The following ARNT2 variants were observed in gnomAD, a reference collection of about 807,000 sequenced individuals.
ARNT2 encodes the protein ARNT protein 2.
ARNT2 carries 36 observed loss-of-function variants against 91.7 expected under a neutral mutation model. The observed-to-expected ratio is 0.39, with a 90% CI of 0.30 to 0.52. ARNT2 has a LOEUF of 0.52. Ranked by LOEUF, ARNT2 falls within the 20% of genes least tolerant of loss-of-function variation. The pLI is 0.72. For missense variants in ARNT2, 775 were observed against 939.3 expected, an observed-to-expected ratio of 0.83 and a Z score of 2.29; for synonymous variants, 365 against 347.1, an observed-to-expected ratio of 1.05 and a Z score of -0.57.
At chr15:80,504,511 G>C (rs72747556) in intron 5 of ARNT2, among the ~76,000 whole-genome samples, 54,652 of 114,126 alleles carry the variant, frequency 0.48, 10,390 homozygotes, top group African/African-American at 0.51. Context: ...GCTCACGCCT[G>C]TAGTCCCAGC....
chr15:80,506,426 A>G (rs1391006850), intron 5 of ARNT2, among the ~76,000 whole-genome samples: 2 of 152,242 alleles, frequency 1.3e-5, no homozygotes, highest in Admixed American at 6.5e-5. Flanking sequence ...GAGAATGACT[A>G]AAAGGAAACA....
intron 1 of ARNT2, among the ~76,000 whole-genome samples, chr15:80,443,959 C>T (rs552522848): frequency 6.6e-6 from 1 of 152,300 alleles, no homozygotes; most frequent in Non-Finnish European, 1.5e-5. Flanking sequence ...ATGGAAAATT[C>T]GGCCTTGGCT....
chr15:80,482,868 A>G (rs1442136582), intron 5 of ARNT2, among the ~76,000 whole-genome samples: 1 of 152,188 alleles, frequency 6.6e-6, no homozygotes, highest in Non-Finnish European at 1.5e-5. Context: ...CTTTCAAGTC[A>G]TCGTGATGCA....
Position 80,441,416 on chromosome 15 carries a change from A to T in ARNT2, c.32-9464A>T, listed in dbSNP as rs577853212. On this transcript the variant is annotated intron_variant, in intron 1 of 18. Coordinates refer to ENST00000303329, the MANE Select transcript of ARNT2 (RefSeq NM_014862.4). Reference sequence around the variant, plus strand: ...TATTTGATGTGCTTTCTGTGAAGAGAATTGTTCTAAGAGAGATGAATATTG... The same window carrying T: ...TATTTGATGTGCTTTCTGTGAAGAGTATTGTTCTAAGAGAGATGAATATTG... 15 of 981,488 alleles carry T rather than the reference A, an allele frequency of 1.5e-5. No individual in the cohort carries two copies. The South Asian group carries it at 3.8e-4, about 25-fold the overall frequency. The allele number at this position is 981,488 out of a possible 1,614,324, so 60.8% of individuals were successfully genotyped here.
At chr15:80,468,296 C>A (rs1896686099) in intron 3 of ARNT2, among the ~76,000 whole-genome samples, 1 of 152,078 alleles carries the variant, frequency 6.6e-6, no homozygotes, top group African/African-American at 2.4e-5. Flanking sequence ...TGAACCTCTC[C>A]CGCAACCTGC....
chr15:80,562,097 C>G (rs1349562689), intron 11 of ARNT2, among the ~76,000 whole-genome samples: 1 of 146,186 alleles, frequency 6.8e-6, no homozygotes, highest in Non-Finnish European at 1.5e-5. Flanking sequence ...TTTTTTGAGA[C>G]TGAGTCTCAC....
chr15:80,510,442 T>A (rs60821634), intron 6 of ARNT2, among the ~76,000 whole-genome samples: 2,653 of 150,632 alleles, frequency 0.018, 80 homozygotes, highest in African/African-American at 0.061. Flanking sequence ...CAATCATATA[T>A]AAAAAAAAAG....
At chr15:80,446,473 T>C (rs1483513866) in intron 1 of ARNT2, among the ~76,000 whole-genome samples, 1 of 152,270 alleles carries the variant, frequency 6.6e-6, no homozygotes, top group African/African-American at 2.4e-5. Flanking sequence ...GGGCCTGTGA[T>C]TGAGAATCGT....
rs942272346 is a variant in ARNT2, at chr15:80,564,931, T to C, written c.1316+1692T>C. Reference sequence around the variant, plus strand: ...CATTTTCTTCTTCTTCTCCTTTTTTTTTTTTTAAATTGAGACAGAATCTCA... The same window carrying C: ...CATTTTCTTCTTCTTCTCCTTTTTTCTTTTTTAAATTGAGACAGAATCTCA... On this transcript the variant is annotated intron_variant, in intron 12 of 18. Coordinates refer to ENST00000303329, the MANE Select transcript of ARNT2 (RefSeq NM_014862.4). Among the ~76,000 whole-genome samples, 72 of 152,124 alleles carry C rather than the reference T, an allele frequency of 4.7e-4. No homozygotes were observed. The East Asian group carries it at 0.014, about 29-fold the overall frequency.
intron 1 of ARNT2, among the ~76,000 whole-genome samples, chr15:80,419,354 G>A (rs937819853): frequency 2.0e-5 from 3 of 152,228 alleles, no homozygotes; most frequent in Admixed American, 1.3e-4. Context: ...TAACTCACCT[G>A]GTTCAGGATG....
chr15:80,451,054 C>A, intron 2 of ARNT2, 60 bp downstream of exon 2: 1 of 1,469,788 alleles, frequency 6.8e-7, no homozygotes, highest in Non-Finnish European at 9.4e-7. Context: ...TGCTCTTGAC[C>A]TGTTAGGAAA....
chr15:80,427,746 G>A (rs896664899), intron 1 of ARNT2, among the ~76,000 whole-genome samples: 1 of 152,116 alleles, frequency 6.6e-6, no homozygotes, highest in Non-Finnish European at 1.5e-5. Flanking sequence ...GCCTTGCTTG[G>A]TATATTTCTA....
At chr15:80,575,818 A>G (rs940636615) in intron 14 of ARNT2, among the ~76,000 whole-genome samples, 2 of 152,164 alleles carry the variant, frequency 1.3e-5, no homozygotes, top group Non-Finnish European at 2.9e-5. Flanking sequence ...CTGCTGGGTG[A>G]GGGTGGCCAG....
chr15:80,416,754 G>A (rs1273164626), intron 1 of ARNT2, among the ~76,000 whole-genome samples: 1 of 151,998 alleles, frequency 6.6e-6, no homozygotes, highest in Non-Finnish European at 1.5e-5. Context: ...TTGGAGTTGC[G>A]CTTTTCTAAA....
chr15:80,504,290 A>T (rs951556209), intron 5 of ARNT2, among the ~76,000 whole-genome samples: 5 of 152,150 alleles, frequency 3.3e-5, no homozygotes, highest in Non-Finnish European at 7.3e-5. Context: ...GTTTGAGTCT[A>T]TTCTCATCGA....
chr15:80,496,692 A>T (rs1022963583), intron 5 of ARNT2, among the ~76,000 whole-genome samples: 3 of 152,192 alleles, frequency 2.0e-5, no homozygotes, highest in Non-Finnish European at 4.4e-5. Flanking sequence ...TGTTGAGAAT[A>T]TGTCAGGAGC....
chr15:80,583,308 C>T (rs1039154148), intron 17 of ARNT2, among the ~76,000 whole-genome samples: 18 of 152,304 alleles, frequency 1.2e-4, no homozygotes, highest in South Asian at 1.0e-3. Context: ...GTGGCCGTGA[C>T]GAGACAGGTG....
At chr15:80,405,104 G>A in intron 1 of ARNT2, among the ~76,000 whole-genome samples, 1 of 152,200 alleles carries the variant, frequency 6.6e-6, no homozygotes, top group Non-Finnish European at 1.5e-5. Context: ...CCAGCCTGTG[G>A]TCACCAGCGT....
intron 8 of ARNT2, among the ~76,000 whole-genome samples, chr15:80,544,024 A>G (rs1897953219): frequency 6.6e-6 from 1 of 152,154 alleles, no homozygotes; most frequent in African/African-American, 2.4e-5. Context: ...TACAGGTGTG[A>G]GCCACCACAC....
Sources: allele counts gnomAD v4.1 joint callset (sites outside exome capture counted in the v4.1 genomes callset), GRCh38; gene constraint gnomAD v4.1.1; transcripts MANE v1.5; gene names NCBI Gene and HGNC (gene_info 2026-07-23, HGNC 2026-07-21).